SEMA3A: variants seen among roughly 807,000 people sequenced by gnomAD.
SEMA3A encodes the protein semaphorin 3A, also known as semaphorin-3A.
In SEMA3A, 29 loss-of-function variants were observed where a neutral mutation model predicts 97.9. The ratio of observed to expected loss-of-function variants is 0.30; its 90% CI spans 0.22 to 0.40. The LOEUF is 0.40. SEMA3A is among the 10% of genes least tolerant of loss of function. The pLI is 1.00. For synonymous variants in SEMA3A, 321 were observed against 323.7 expected (o/e 0.99, Z 0.09); for missense variants, 763 against 951.3 (o/e 0.80, Z 2.60).
chr7:84,183,995 C>T (rs1797804910), intron 1 of SEMA3A, among the ~76,000 whole-genome samples: 1 of 152,136 alleles, frequency 6.6e-6, no homozygotes, highest in Admixed American at 6.6e-5. Context: ...TAAACAGATT[C>T]TCTCAGTATC....
rs71522701 is a variant in SEMA3A at position 84,340,792 on chromosome 7, A to AC, written c.-169+31031_-169+31032insG. Among the ~76,000 whole-genome samples the AC allele has an allele frequency of 1.1e-4, 13 of 120,480 alleles. 2 individuals are homozygous for AC. The highest frequency in any genetic ancestry group is 1.4e-4 in the African/African-American group (4 of 29,010). The allele number at this position is 120,480 out of a possible 152,430, so 79.0% of individuals were successfully genotyped here. ...CGAAACTCCATCTCGGAAAAAAAAA[A>AC]AAAAAATCAAAATAACTATATGTAC... is the stretch of plus-strand genomic sequence containing the variant. On this transcript the variant is annotated intron_variant, in intron 2 of 3. Transcript: ENST00000424555.
At chr7:84,020,889 A>G (rs545173479) in intron 6 of SEMA3A, among the ~76,000 whole-genome samples, 27 of 152,336 alleles carry the variant, frequency 1.8e-4, no homozygotes, top group Non-Finnish European at 3.2e-4. Flanking sequence ...ATAAATATGA[A>G]TGCATTTATA....
chr7:84,395,092 A>G (rs1182403615), intron 1 of SEMA3A, among the ~76,000 whole-genome samples: 1 of 152,102 alleles, frequency 6.6e-6, no homozygotes, highest in Non-Finnish European at 1.5e-5. Flanking sequence ...GATTACACCT[A>G]AAATAAACCC....
intron 1 of SEMA3A, among the ~76,000 whole-genome samples, chr7:84,388,785 G>A (rs1803466126): frequency 6.6e-6 from 1 of 151,946 alleles, no homozygotes; most frequent in African/African-American, 2.4e-5. Context: ...CTTAAAACAA[G>A]CCCCGCAGCA....
At chr7:84,049,312 C>T (rs1792493267) in intron 5 of SEMA3A, among the ~76,000 whole-genome samples, 1 of 152,036 alleles carries the variant, frequency 6.6e-6, no homozygotes, top group Admixed American at 6.6e-5. Context: ...TACTCAATGT[C>T]AGTAAACTAT....
chr7:84,398,674 G>A (rs1364418530), intron 1 of SEMA3A, among the ~76,000 whole-genome samples: 2 of 151,794 alleles, frequency 1.3e-5, no homozygotes, highest in Non-Finnish European at 2.9e-5. Context: ...CAAACCTGGT[G>A]GCATGTGCCT....
At chr7:84,400,069 C>T (rs1000941509) in intron 1 of SEMA3A, among the ~76,000 whole-genome samples, 1 of 152,154 alleles carries the variant, frequency 6.6e-6, no homozygotes, top group African/African-American at 2.4e-5. Context: ...GCATATTGGG[C>T]TTAGTGTGCC....
chr7:84,341,882 T>C (rs927316313), intron 2 of SEMA3A, among the ~76,000 whole-genome samples: 2 of 151,644 alleles, frequency 1.3e-5, no homozygotes, highest in African/African-American at 4.9e-5. Context: ...CTTCTGGTGC[T>C]GCTTTTAGGA....
intron 15 of SEMA3A, among the ~76,000 whole-genome samples, chr7:83,966,334 T>A (rs2116268962): frequency 6.6e-6 from 1 of 152,292 alleles, no homozygotes; most frequent in South Asian, 2.1e-4. Flanking sequence ...GTTTTTAGTT[T>A]AATATACTAA....
intron 1 of SEMA3A, among the ~76,000 whole-genome samples, chr7:84,165,975 A>T (rs1040109245): frequency 2.0e-5 from 3 of 152,178 alleles, no homozygotes; most frequent in Admixed American, 2.0e-4. Flanking sequence ...GTGGTAAGAT[A>T]AGAAAGATGA....
At chr7:84,049,592 A>T (rs1309371668) in intron 5 of SEMA3A, among the ~76,000 whole-genome samples, 2 of 152,088 alleles carry the variant, frequency 1.3e-5, no homozygotes, top group African/African-American at 4.8e-5. Context: ...ACAGTACCTC[A>T]GTTGGCTTAT....
intron 1 of SEMA3A, among the ~76,000 whole-genome samples, chr7:84,434,085 C>G (rs1009589696): frequency 2.6e-5 from 4 of 151,998 alleles, no homozygotes; most frequent in African/African-American, 9.7e-5. Context: ...AATCAGATGC[C>G]ATTTGTCTTG....
At chr7:84,458,977 C>A (rs1357762570) in intron 1 of SEMA3A, among the ~76,000 whole-genome samples, 1 of 151,996 alleles carries the variant, frequency 6.6e-6, no homozygotes, top group Non-Finnish European at 1.5e-5. Flanking sequence ...CCCTTCTCAA[C>A]CTCTGAAAAT....
At chr7:84,238,736 A>G (rs866572438) in intron 3 of SEMA3A, among the ~76,000 whole-genome samples, 3 of 150,190 alleles carry the variant, frequency 2.0e-5, no homozygotes, top group Middle Eastern at 3.4e-3. Context: ...TTTTTTTGAT[A>G]CGGAGTCACG....
At chr7:84,062,931 C>A (rs1257895649) in intron 4 of SEMA3A, among the ~76,000 whole-genome samples, 2 of 151,948 alleles carry the variant, frequency 1.3e-5, no homozygotes, top group East Asian at 1.9e-4. Context: ...CTCAAGGAGG[C>A]CTGCCTGCCT....
At chr7:84,396,664 C>T (rs1490120719) in intron 1 of SEMA3A, among the ~76,000 whole-genome samples, 2 of 152,072 alleles carry the variant, frequency 1.3e-5, no homozygotes, top group East Asian at 1.9e-4. Context: ...CCAACTGACC[C>T]ATTGAACAAA....
chr7:84,266,208 C>G (rs779197805), intron 3 of SEMA3A, among the ~76,000 whole-genome samples: 2 of 148,582 alleles, frequency 1.3e-5, no homozygotes, highest in Non-Finnish European at 3.0e-5. Context: ...GTAATCCCAG[C>G]TACTCAGGAA....
intron 1 of SEMA3A, among the ~76,000 whole-genome samples, chr7:84,424,419 T>A (rs1804687865): frequency 7.7e-6 from 1 of 130,700 alleles, no homozygotes. Context: ...ATATAATATA[T>A]TGTTATAAAT....
At chr7:84,173,078 G>T (rs144370785) in intron 1 of SEMA3A, among the ~76,000 whole-genome samples, 1 of 152,156 alleles carries the variant, frequency 6.6e-6, no homozygotes, top group African/African-American at 2.4e-5. Flanking sequence ...TATTTTCAGA[G>T]GAAAAGTACA....
Sources: allele counts gnomAD v4.1 joint callset (sites outside exome capture counted in the v4.1 genomes callset), GRCh38; gene constraint gnomAD v4.1.1; transcripts MANE v1.5; gene names NCBI Gene and HGNC (gene_info 2026-07-23, HGNC 2026-07-21).